The following NAALADL2 variants were observed in gnomAD, a reference collection of about 807,000 sequenced individuals.
NAALADL2 encodes N-acetylated alpha-linked acidic dipeptidase like 2, also known as inactive N-acetylated-alpha-linked acidic dipeptidase-like protein 2.
Under a neutral mutation model 87.2 loss-of-function variants are expected in NAALADL2, and 76 were observed. The observed-to-expected ratio is 0.87, with a 90% CI of 0.72 to 1.05. NAALADL2 has a LOEUF of 1.05. Among genes scored for constraint, NAALADL2 ranks in the 50% least tolerant of loss-of-function variants. The pLI is 0.00. For synonymous variants in NAALADL2, 354 were observed against 331.0 expected, an observed-to-expected ratio of 1.07 and a Z score of -0.75; for missense variants, 1,089 against 945.8, an observed-to-expected ratio of 1.15 and a Z score of -1.99.
At chr3:175,752,610 A>C (rs760583300) in intron 12 of NAALADL2, among the ~76,000 whole-genome samples, 1 of 152,256 alleles carries the variant, frequency 6.6e-6, no homozygotes, top group Admixed American at 6.5e-5. Context: ...ATACACTTGA[A>C]GTAATGCATA....
chr3:175,613,463 T>C (rs1413976724), intron 10 of NAALADL2, among the ~76,000 whole-genome samples: 1 of 152,222 alleles, frequency 6.6e-6, no homozygotes, highest in Non-Finnish European at 1.5e-5. Context: ...TTTATTCATG[T>C]CTGAAATTTA....
At chr3:174,635,487 CGTT>C (rs1722541222) in intron 2 of NAALADL2, among the ~76,000 whole-genome samples, 1 of 142,246 alleles carries the variant, frequency 7.0e-6, no homozygotes, top group Non-Finnish European at 1.5e-5. Context: ...TTCACATTGT[CGTT>C]GTGGTGGTGG....
intron 3 of NAALADL2, among the ~76,000 whole-genome samples, chr3:174,791,839 C>G (rs1160208561): frequency 6.6e-6 from 1 of 152,056 alleles, no homozygotes; most frequent in East Asian, 1.9e-4. Context: ...AATCATTATT[C>G]TATTCATTGA....
rs1754837655 is a variant in NAALADL2, at chr3:175,807,804, G to A, written c.*4601G>A. Reference sequence around the variant, plus strand: ...TTGCCAACTTAAAAAAGCCTCATTAGAATTTGCTATTCGAAAAGACCTTAA... The same window carrying A: ...TTGCCAACTTAAAAAAGCCTCATTAAAATTTGCTATTCGAAAAGACCTTAA... On this transcript the variant is annotated 3_prime_UTR_variant, in exon 14 of 14. Transcript: ENST00000454872. 1 of 151,864 alleles carries A rather than the reference G, an allele frequency of 6.6e-6. No homozygotes were observed. The highest frequency in any genetic ancestry group is 1.5e-5 in the Non-Finnish European group (1 of 67,882). 9.4% of individuals were successfully genotyped at this position (151,864 alleles called of 1,614,324 possible).
intron 11 of NAALADL2, among the ~76,000 whole-genome samples, chr3:175,656,283 T>C (rs1438589377): frequency 6.6e-6 from 1 of 152,200 alleles, no homozygotes; most frequent in Non-Finnish European, 1.5e-5. Context: ...TCAGAATTAT[T>C]TATGATTAAA....
At chr3:175,701,576 G>A (rs367768417) in intron 11 of NAALADL2, among the ~76,000 whole-genome samples, 1 of 152,146 alleles carries the variant, frequency 6.6e-6, no homozygotes, top group African/African-American at 2.4e-5. Flanking sequence ...AGTGAAAACT[G>A]CACGCCAGTA....
chr3:175,083,919 A>G (rs1718364969), intron 1 of NAALADL2, among the ~76,000 whole-genome samples: 1 of 152,232 alleles, frequency 6.6e-6, no homozygotes, highest in Non-Finnish European at 1.5e-5. Context: ...AAGATAAAAG[A>G]TAACTCAACA....
chr3:175,485,394 C>T lies in NAALADL2; in HGVS notation c.1653+13636C>T, dbSNP rs79656298. On this transcript the variant is annotated intron_variant, in intron 9 of 13. Transcript: ENST00000454872. ...GTTTATTAAGGAGAATTCACTCACACGATCACAAGGTATTAGTCCCACAAT... is the reference window on the plus strand; with the variant it reads ...GTTTATTAAGGAGAATTCACTCACATGATCACAAGGTATTAGTCCCACAAT... Among the ~76,000 whole-genome samples the T allele has an allele frequency of 5.7e-3, 865 of 152,124 alleles. 8 individuals are homozygous for T. The highest frequency in any genetic ancestry group is 0.019 in the African/African-American group (789 of 41,496).
rs564018775 is a variant in NAALADL2, at chr3:175,603,618, G to GT, written c.1801-23667dup. ...TTTCACTTAGGATAAAGTCCCCAAG[G>GT]TTTTTTCATGTTGTAGCATATGCCA... On this transcript the variant is annotated intron_variant, in intron 10 of 13. Transcript: ENST00000454872. 7.2e-4 allele frequency among the ~76,000 whole-genome samples: 109 copies of GT among 152,152 alleles called. No homozygotes were observed. The East Asian group carries it at 0.017, about 23-fold the overall frequency.
intron 4 of NAALADL2, among the ~76,000 whole-genome samples, chr3:175,310,347 A>G (rs912198263): frequency 1.3e-5 from 2 of 151,914 alleles, no homozygotes; most frequent in African/African-American, 2.4e-5. Flanking sequence ...TCTTTTATAT[A>G]TAAGAAAATT....
chr3:175,299,694 G>C (rs1158601412), intron 4 of NAALADL2, among the ~76,000 whole-genome samples: 1 of 152,120 alleles, frequency 6.6e-6, no homozygotes, highest in African/African-American at 2.4e-5. Flanking sequence ...GAGTTTTTGG[G>C]CTGAGACCAT....
At chr3:174,631,738 T>C (rs1722133631) in intron 2 of NAALADL2, 1 of 152,210 alleles carries the variant, frequency 6.6e-6, no homozygotes, top group Non-Finnish European at 1.5e-5. Context: ...TATGTTTTTC[T>C]CTCAAATAAA....
chr3:175,224,214 G>A (rs544728581), intron 2 of NAALADL2, among the ~76,000 whole-genome samples: 9 of 152,224 alleles, frequency 5.9e-5, no homozygotes, highest in South Asian at 4.1e-4. Flanking sequence ...CTTGCTGCCC[G>A]GAGGATATTG....
rs1337099951 is a variant in NAALADL2, at chr3:175,513,316, T to A, written c.1653+41558T>A. ...TGGATTTTAAAGTTTAAATTTAAAT[T>A]AATAAAAATTAAATAAAATGAGACA... is the stretch of plus-strand genomic sequence containing the variant. On this transcript the variant is annotated intron_variant, in intron 9 of 13. Transcript: ENST00000454872. Among the ~76,000 whole-genome samples, 6 of 152,296 alleles carry A rather than the reference T, an allele frequency of 3.9e-5. No individual in the cohort carries two copies. The East Asian group carries it at 1.2e-3, about 29-fold the overall frequency.
At chr3:175,159,672 A>G (rs1233774607) in intron 2 of NAALADL2, among the ~76,000 whole-genome samples, 9 of 152,174 alleles carry the variant, frequency 5.9e-5, no homozygotes, top group Admixed American at 5.9e-4. Flanking sequence ...TTGAAACTAC[A>G]TGGGACTATT....
intron 4 of NAALADL2, among the ~76,000 whole-genome samples, chr3:175,262,910 G>A (rs1751307344): frequency 6.6e-6 from 1 of 150,550 alleles, no homozygotes; most frequent in Non-Finnish European, 1.5e-5. Context: ...AAAATGAAAA[G>A]CAAACACTAT....
chr3:175,722,407 A>G (rs1474709233), intron 11 of NAALADL2, among the ~76,000 whole-genome samples: 1 of 152,152 alleles, frequency 6.6e-6, no homozygotes, highest in Non-Finnish European at 1.5e-5. Context: ...AATAAAACCC[A>G]GGCACCTCTT....
At chr3:174,493,913 T>C (rs1187295092) in intron 1 of NAALADL2, among the ~76,000 whole-genome samples, 1 of 152,210 alleles carries the variant, frequency 6.6e-6, no homozygotes, top group African/African-American at 2.4e-5. Flanking sequence ...AAAAGTGCTG[T>C]GATAGAGATA....
chr3:175,389,585 A>G (rs1768832831), intron 5 of NAALADL2, among the ~76,000 whole-genome samples: 1 of 152,216 alleles, frequency 6.6e-6, no homozygotes, highest in Admixed American at 6.5e-5. Flanking sequence ...TAAATGAATG[A>G]TTTATCCTGT....
Sources: allele counts gnomAD v4.1 joint callset (sites outside exome capture counted in the v4.1 genomes callset), GRCh38; gene constraint gnomAD v4.1.1; transcripts MANE v1.5; gene names NCBI Gene and HGNC (gene_info 2026-07-23, HGNC 2026-07-21).